The following KANSL1 variants were observed in gnomAD, a reference collection of about 807,000 sequenced individuals.
KANSL1 encodes the protein KAT8 regulatory NSL complex subunit 1, also known as MLL1/MLL complex subunit KANSL1.
Under a neutral mutation model 103.6 loss-of-function variants are expected in KANSL1, and 22 were observed. The observed-to-expected ratio is 0.21, with a 90% CI of 0.15 to 0.30. KANSL1 has a LOEUF of 0.30. Among genes scored for constraint, KANSL1 ranks in the 10% least tolerant of loss-of-function variants. The pLI, the probability that KANSL1 is intolerant of heterozygous loss-of-function variation, is 1.00. For synonymous variants in KANSL1, 600 were observed against 527.6 expected (o/e 1.14, Z -1.88); for missense variants, 1,337 against 1,399.8 (o/e 0.96, Z 0.72).
At position 46,094,576 on chromosome 17, in the gene KANSL1, T is replaced by C; in HGVS notation, c.1415A>G (p.Gln472Arg). Residue 472 changes from glutamine to arginine, a missense_variant, in exon 3 of 15, where the codon CAG becomes CGG. Coordinates refer to ENST00000432791, the MANE Select transcript of KANSL1 (RefSeq NM_015443.4). ...RIRQQTDIYKQIRANKGLIVL... is the reference protein window; with the variant it reads ...RIRQQTDIYKRIRANKGLIVL... ...ATCCCTTACCTTATTAGCACGTATCTGTTTGTAAATGTCTGTTTGCTGACG... is the reference window on the plus strand; with the variant it reads ...ATCCCTTACCTTATTAGCACGTATCCGTTTGTAAATGTCTGTTTGCTGACG... 6.2e-7 allele frequency: 1 copy of C among 1,613,234 alleles called. No individual in the cohort carries two copies. The highest frequency in any genetic ancestry group is 8.5e-7 in the Non-Finnish European group (1 of 1,179,938).
upstream of KANSL1, among the ~76,000 whole-genome samples, chr17:46,224,183 T>G (rs1485937511): frequency 6.6e-6 from 1 of 152,246 alleles, no homozygotes; most frequent in South Asian, 2.1e-4. Context: ...GTAAAACTTC[T>G]CTAATCATCC....
chr17:46,146,008 G>A (rs2044679604), intron 2 of KANSL1, among the ~76,000 whole-genome samples: 1 of 152,194 alleles, frequency 6.6e-6, no homozygotes. Flanking sequence ...GGGATTACAG[G>A]TGTGAGCCAC....
intron 1 of KANSL1, among the ~76,000 whole-genome samples, chr17:46,214,863 T>C (rs1181495896): frequency 1.3e-5 from 2 of 152,230 alleles, no homozygotes; most frequent in African/African-American, 2.4e-5. Flanking sequence ...GACAGCACAG[T>C]CAACTGCAAA....
At chr17:46,191,670 CAAGT>C (rs1400456119) in intron 1 of KANSL1, among the ~76,000 whole-genome samples, 2 of 152,188 alleles carry the variant, frequency 1.3e-5, no homozygotes, top group Non-Finnish European at 2.9e-5. Flanking sequence ...AAAACTAAAA[CAAGT>C]AAAACGTTTT....
At chr17:46,215,910 G>A (rs918365226) in intron 1 of KANSL1, among the ~76,000 whole-genome samples, 19 of 151,930 alleles carry the variant, frequency 1.3e-4, no homozygotes, top group African/African-American at 3.9e-4. Flanking sequence ...ACGTGGTGGC[G>A]CACACCTGTA....
At chr17:46,063,356 C>T (rs1224718513) in intron 6 of KANSL1, among the ~76,000 whole-genome samples, 1 of 152,160 alleles carries the variant, frequency 6.6e-6, no homozygotes. Flanking sequence ...TTCAAAAATG[C>T]TGTTGAATAA....
At chr17:46,094,447 T>C in intron 3 of KANSL1, 113 bp downstream of exon 3, 1 of 1,254,320 alleles carries the variant, frequency 8.0e-7, no homozygotes, top group Non-Finnish European at 1.1e-6. Context: ...AACCATTTAC[T>C]TTGCAATAGT....
At chr17:46,200,950 G>A (rs989043150) in intron 1 of KANSL1, among the ~76,000 whole-genome samples, 1 of 151,772 alleles carries the variant, frequency 6.6e-6, no homozygotes, top group Non-Finnish European at 1.5e-5. Context: ...TGCTGCCCAG[G>A]CTGCCAGGCT....
At chr17:46,196,448 A>T (rs1225400053), upstream of KANSL1, 1 of 456,092 alleles carries the variant, frequency 2.2e-6, no homozygotes, top group Non-Finnish European at 4.4e-6. Flanking sequence ...CAATCCTAAA[A>T]ATGATGGAGG....
chr17:46,136,008 T>C (rs559379884), intron 2 of KANSL1, among the ~76,000 whole-genome samples: 3 of 152,262 alleles, frequency 2.0e-5, no homozygotes, highest in Non-Finnish European at 2.9e-5. Flanking sequence ...TGCACATAAC[T>C]ACTGAGAAGG....
At chr17:46,091,812 AGTATGTAT>A (rs149207902) in intron 3 of KANSL1, among the ~76,000 whole-genome samples, 57 of 151,624 alleles carry the variant, frequency 3.8e-4, no homozygotes, top group Non-Finnish European at 6.5e-4. Flanking sequence ...TATATATGTA[AGTATGTAT>A]GTATGTATGT....
At chr17:46,086,502 GA>G (rs1248911450) in intron 3 of KANSL1, among the ~76,000 whole-genome samples, 1 of 152,182 alleles carries the variant, frequency 6.6e-6, no homozygotes, top group African/African-American at 2.4e-5. Flanking sequence ...AAAAATGAGA[GA>G]CCTATCCCTC....
chr17:46,059,056 A>G (rs960400389), intron 6 of KANSL1, among the ~76,000 whole-genome samples: 3 of 148,918 alleles, frequency 2.0e-5, no homozygotes, highest in African/African-American at 7.3e-5. Context: ...CGGAAAAAAA[A>G]AAAAAGAAAG....
chr17:46,075,140 T>C (rs1185948242), intron 4 of KANSL1, among the ~76,000 whole-genome samples: 3 of 152,200 alleles, frequency 2.0e-5, no homozygotes, highest in Non-Finnish European at 4.4e-5. Context: ...AATGATAGAT[T>C]CTGGACAACA....
At chr17:46,198,328 T>C (rs544512784), upstream of KANSL1, among the ~76,000 whole-genome samples, 20 of 150,946 alleles carry the variant, frequency 1.3e-4, no homozygotes, top group Admixed American at 2.0e-4. Context: ...TTCTAAACTT[T>C]AAAGGTTAAA....
At chr17:46,116,227 T>C (rs2043039874) in intron 2 of KANSL1, among the ~76,000 whole-genome samples, 1 of 152,144 alleles carries the variant, frequency 6.6e-6, no homozygotes, top group South Asian at 2.1e-4. Flanking sequence ...GAAACAGACA[T>C]ACAGTCAAAA....
At chr17:46,121,936 A>C (rs1480895936) in intron 2 of KANSL1, among the ~76,000 whole-genome samples, 1 of 152,228 alleles carries the variant, frequency 6.6e-6, no homozygotes, top group East Asian at 1.9e-4. Flanking sequence ...GGGCAAAATC[A>C]TCTAACACAA....
intron 4 of KANSL1, among the ~76,000 whole-genome samples, chr17:46,075,856 T>C (rs2078746582): frequency 6.6e-6 from 1 of 152,146 alleles, no homozygotes; most frequent in South Asian, 2.1e-4. Flanking sequence ...TATGCTGCAT[T>C]ACACATTACT....
chr17:46,118,816 G>A (rs1319856876), intron 2 of KANSL1, among the ~76,000 whole-genome samples: 1 of 152,176 alleles, frequency 6.6e-6, no homozygotes, highest in Non-Finnish European at 1.5e-5. Context: ...TCTATCAGAG[G>A]TGGAAAACCA....
Sources: gnomAD v4.1 joint callset for allele counts (sites outside exome capture counted in the v4.1 genomes callset) on GRCh38, gnomAD v4.1.1 for gene constraint, MANE v1.5 for transcripts, NCBI Gene and HGNC (gene_info 2026-07-23, HGNC 2026-07-21) for gene names.